PLCG2: variants seen among roughly 807,000 people sequenced by gnomAD.
PLCG2 encodes the protein phospholipase C gamma 2.
A neutral mutation model predicts 175.6 loss-of-function variants in PLCG2; 69 were observed. The observed-to-expected ratio is 0.39, with a 90% CI of 0.32 to 0.48. The LOEUF is 0.48. Ranked by LOEUF, PLCG2 falls within the 20% of genes least tolerant of loss-of-function variation. The pLI is 0.91. For synonymous variants in PLCG2, 827 were observed against 624.0 expected (o/e 1.33, Z -4.85); for missense variants, 1,798 against 1,650.9 (o/e 1.09, Z -1.54).
rs925940226 is a variant in PLCG2 at position 81,883,253 on chromosome 16, C to G, written c.693-16C>G. The G allele has an allele frequency of 2.5e-6, 4 of 1,613,062 alleles. No homozygotes were observed. The highest frequency in any genetic ancestry group is 1.3e-5 in the African/African-American group (1 of 74,918). On this transcript the variant is annotated splice_polypyrimidine_tract_variant and intron_variant, in intron 8 of 32. Coordinates refer to ENST00000564138, the MANE Select transcript of PLCG2 (RefSeq NM_002661.5). ...ATGTGTCTGTCTCTAACTGCACCCC[C>G]TTTCCCCGAGGATAGGAACACTGAC...
At chr16:81,833,846 C>A (rs1030007656) in intron 2 of PLCG2, among the ~76,000 whole-genome samples, 2 of 152,188 alleles carry the variant, frequency 1.3e-5, no homozygotes, top group Non-Finnish European at 2.9e-5. Context: ...CGGCGCCCGG[C>A]CTCCTGTGTG....
intron 31 of PLCG2, among the ~76,000 whole-genome samples, chr16:81,953,742 T>A (rs1166103749): frequency 6.6e-6 from 1 of 152,212 alleles, no homozygotes; most frequent in African/African-American, 2.4e-5. Flanking sequence ...AAACTGTTTC[T>A]ATCTTTTACG....
rs117723193 is a variant in PLCG2 at position 81,943,365 on chromosome 16, G to A, written c.3482-2810G>A. 8.4e-3 allele frequency among the ~76,000 whole-genome samples: 1,286 copies of A among 152,272 alleles called. 11 individuals carry two copies. Among genetic ancestry groups the A allele is most frequent in the Non-Finnish European group, 0.011 (715 of 68,022 alleles). On this transcript the variant is annotated intron_variant, in intron 30 of 32. Transcript: ENST00000564138. ...GCACATATTTACATGGCCAGCAGGAGGAAAAGAGAGCTAGTGAAGGGGGAG... is the reference window on the plus strand; with the variant it reads ...GCACATATTTACATGGCCAGCAGGAAGAAAAGAGAGCTAGTGAAGGGGGAG...
chr16:81,884,037 C>T (rs1412335708), intron 9 of PLCG2, among the ~76,000 whole-genome samples: 1 of 152,110 alleles, frequency 6.6e-6, no homozygotes, highest in South Asian at 2.1e-4. Context: ...CACAGGGCAG[C>T]CCCCCCTACC....
At chr16:81,749,217 C>T (rs1045263457) in intron 1 of PLCG2, among the ~76,000 whole-genome samples, 6 of 152,154 alleles carry the variant, frequency 3.9e-5, no homozygotes, top group Non-Finnish European at 7.4e-5. Flanking sequence ...ATCCTGTTCT[C>T]TGAACCCATC....
chr16:81,926,946 G>A (rs1258801604), intron 22 of PLCG2, 136 bp from the exon 23 acceptor site: 2 of 667,804 alleles, frequency 3.0e-6, no homozygotes, highest in Non-Finnish European at 5.5e-6. Flanking sequence ...CATTGTCACA[G>A]ATAGTGACAC....
intron 7 of PLCG2, 100 bp from the exon 8 acceptor site, chr16:81,880,810 A>T (rs748729362): frequency 1.1e-5 from 11 of 1,009,014 alleles, no homozygotes; most frequent in African/African-American, 4.8e-5. Context: ...ATCTTGTTGC[A>T]TCTGACAAAA....
intron 7 of PLCG2, among the ~76,000 whole-genome samples, chr16:81,880,450 TTAAAAA>T (rs1908023060): frequency 6.6e-6 from 1 of 152,132 alleles, no homozygotes; most frequent in Non-Finnish European, 1.5e-5. Context: ...ACAGGGACAC[TTAAAAA>T]TAATACTAGA....
chr16:81,934,206 C>T (rs1208670604), intron 25 of PLCG2, among the ~76,000 whole-genome samples: 2 of 152,146 alleles, frequency 1.3e-5, no homozygotes, highest in East Asian at 1.9e-4. Context: ...CAGGACTGAG[C>T]TGCACACCAA....
intron 5 of PLCG2, among the ~76,000 whole-genome samples, chr16:81,867,969 G>T (rs1323691612): frequency 6.6e-6 from 1 of 152,178 alleles, no homozygotes; most frequent in Non-Finnish European, 1.5e-5. Flanking sequence ...AAAGTGCTGG[G>T]ATTACAGGCG....
intron 2 of PLCG2, among the ~76,000 whole-genome samples, chr16:81,840,361 C>G (rs1287118533): frequency 6.6e-6 from 1 of 152,076 alleles, no homozygotes; most frequent in African/African-American, 2.4e-5. Flanking sequence ...TTTCCATGGG[C>G]CAGATTGGCC....
intron 5 of PLCG2, 81 bp from the exon 6 acceptor site, chr16:81,869,133 G>C (rs748783195): frequency 7.1e-6 from 7 of 984,636 alleles, no homozygotes; most frequent in Admixed American, 1.7e-5. Flanking sequence ...GGCTGCCTGA[G>C]GTGGGAACTG....
rs774956754 is a variant in PLCG2 at position 81,883,356 on chromosome 16, T to C, written c.765+15T>C. 6.2e-6 allele frequency: 10 copies of C among 1,609,332 alleles called. No homozygotes were observed. The East Asian group carries it at 2.2e-4, about 36-fold the overall frequency. On this transcript the variant is annotated intron_variant, in intron 9 of 32. Coordinates refer to ENST00000564138, the MANE Select transcript of PLCG2 (RefSeq NM_002661.5). ...ATGAACAGCAGGTGAGAGCACAAGGTGTGTGGGTGCCTGAGGGAGCTGGCG... is the reference window on the plus strand; with the variant it reads ...ATGAACAGCAGGTGAGAGCACAAGGCGTGTGGGTGCCTGAGGGAGCTGGCG...
chr16:81,922,229 A>G (rs1597133968), intron 21 of PLCG2, among the ~76,000 whole-genome samples: 1 of 152,224 alleles, frequency 6.6e-6, no homozygotes, highest in African/African-American at 2.4e-5. Flanking sequence ...ATTGCTTCTT[A>G]TGAAACATCA....
intron 1 of PLCG2, among the ~76,000 whole-genome samples, chr16:81,784,463 G>A (rs1910881028): frequency 1.3e-5 from 2 of 152,200 alleles, no homozygotes; most frequent in Admixed American, 6.5e-5. Flanking sequence ...GAGCCCGGCT[G>A]GAAGCACAGA....
chr16:81,794,405 T>A (rs574646642), intron 2 of PLCG2, among the ~76,000 whole-genome samples: 1 of 152,324 alleles, frequency 6.6e-6, no homozygotes, highest in South Asian at 2.1e-4. Context: ...ATCCATTGTC[T>A]GAGGGTGGTC....
At chr16:81,933,683 T>C (rs1199629958) in intron 25 of PLCG2, among the ~76,000 whole-genome samples, 1 of 152,058 alleles carries the variant, frequency 6.6e-6, no homozygotes. Context: ...TTAGGTAATA[T>C]CCCTCAAGTG....
intron 2 of PLCG2, chr16:81,799,070 G>C (rs1036106715): frequency 1.3e-5 from 2 of 152,276 alleles, no homozygotes; most frequent in African/African-American, 4.8e-5. Flanking sequence ...CGTTACGCCA[G>C]TTTCCTGTTT....
intron 2 of PLCG2, chr16:81,767,444 C>G (rs1463737787): frequency 6.6e-6 from 1 of 152,194 alleles, no homozygotes; most frequent in African/African-American, 2.4e-5. Flanking sequence ...TGTGCCTGGC[C>G]TCAACTGATA....
Sources: allele counts gnomAD v4.1 joint callset (sites outside exome capture counted in the v4.1 genomes callset), GRCh38; gene constraint gnomAD v4.1.1; transcripts MANE v1.5; gene names NCBI Gene and HGNC (gene_info 2026-07-23, HGNC 2026-07-21).